EYS: variants seen among roughly 807,000 people sequenced by gnomAD.
EYS encodes EGF-like photoreceptor maintenance factor.
A neutral mutation model predicts 282.1 loss-of-function variants in EYS; 250 were observed. That is an observed-to-expected ratio of 0.89 (90% CI 0.80 to 0.98). EYS has a LOEUF of 0.98. Ranked by LOEUF, EYS falls within the 50% of genes least tolerant of loss-of-function variation. The probability of loss-of-function intolerance (pLI) is 0.00; values close to 1 mark genes in which losing one functional copy is unlikely to be tolerated. For missense variants in EYS, 4,016 were observed against 3,709.0 expected, an observed-to-expected ratio of 1.08 and a Z score of -2.15; for synonymous variants, 1,355 against 1,282.9, an observed-to-expected ratio of 1.06 and a Z score of -1.20.
chr6:64,043,324 G>C (rs138998239), intron 33 of EYS, among the ~76,000 whole-genome samples: 150 of 152,224 alleles, frequency 9.9e-4, no homozygotes, highest in African/African-American at 3.5e-3. Context: ...TCCATATATA[G>C]GTAAGCATCA....
chr6:65,173,560 T>C (rs375623429), intron 12 of EYS, among the ~76,000 whole-genome samples: 1 of 151,216 alleles, frequency 6.6e-6, no homozygotes, highest in African/African-American at 2.4e-5. Flanking sequence ...TTTTAAGGAA[T>C]CATAAAGAGA....
At chr6:64,227,162 T>A (rs1482536172) in intron 31 of EYS, among the ~76,000 whole-genome samples, 1 of 152,078 alleles carries the variant, frequency 6.6e-6, no homozygotes, top group Non-Finnish European at 1.5e-5. Flanking sequence ...GCTTTTTATA[T>A]TTTAGTTTAA....
At chr6:65,166,084 AAAG>A (rs1444204432) in intron 12 of EYS, among the ~76,000 whole-genome samples, 21 of 151,224 alleles carry the variant, frequency 1.4e-4, no homozygotes, top group African/African-American at 4.6e-4. Context: ...GAAAAAAGTT[AAAG>A]AAGATCTAAA....
At chr6:64,954,837 T>C (rs1769636823) in intron 14 of EYS, among the ~76,000 whole-genome samples, 1 of 152,080 alleles carries the variant, frequency 6.6e-6, no homozygotes, top group Admixed American at 6.6e-5. Flanking sequence ...AAATCAGTAG[T>C]ATTTCTATAT....
intron 35 of EYS, among the ~76,000 whole-genome samples, chr6:63,880,978 A>G (rs759412536): frequency 6.6e-6 from 1 of 152,014 alleles, no homozygotes; most frequent in Non-Finnish European, 1.5e-5. Context: ...GGTAAAGGAC[A>G]GTTTCAAAAG....
Position 65,312,748 on chromosome 6 carries a change from T to C in EYS, c.1767-16629A>G, listed in dbSNP as rs376447697. 1.4e-4 allele frequency among the ~76,000 whole-genome samples: 22 copies of C among 152,336 alleles called. No individual in the cohort carries two copies. In the South Asian group the frequency reaches 1.5e-3, roughly 10 times the overall value. On this transcript the variant is annotated intron_variant, in intron 11 of 42. Transcript: ENST00000503581. ...TTCTCTATGGTCACAGTTATCACAGTATGCTCTCAGGAACATGGGGGCAGA... is the reference window on the plus strand; with the variant it reads ...TTCTCTATGGTCACAGTTATCACAGCATGCTCTCAGGAACATGGGGGCAGA...
intron 33 of EYS, among the ~76,000 whole-genome samples, chr6:64,002,513 A>C (rs1349030349): frequency 1.3e-5 from 2 of 151,610 alleles, no homozygotes; most frequent in East Asian, 1.9e-4. Flanking sequence ...GGAGTCACAG[A>C]CTCCCACCCC....
intron 2 of EYS, among the ~76,000 whole-genome samples, chr6:65,590,605 C>G (rs1765196117): frequency 6.6e-6 from 1 of 151,812 alleles, no homozygotes; most frequent in Admixed American, 6.6e-5. Context: ...AACTTTGTAC[C>G]CACTGGACAA....
In EYS at chr6:64,248,315, A is replaced by T. The variant is rs116810632; in HGVS notation, c.6192-17491T>A. ...AGTCATCAATGTCTCTTAAGCAGGA[A>T]ATTAGTAATTCATGTTTATTTTCGA... On this transcript the variant is annotated intron_variant, in intron 30 of 42. Coordinates refer to ENST00000503581, the MANE Select transcript of EYS (RefSeq NM_001142800.2). Among the ~76,000 whole-genome samples, 400 of 152,194 alleles carry T rather than the reference A, an allele frequency of 2.6e-3. 1 individual carries two copies. Among genetic ancestry groups the T allele is most frequent in the African/African-American group, 9.2e-3 (381 of 41,532 alleles).
intron 26 of EYS, among the ~76,000 whole-genome samples, chr6:64,458,592 G>A (rs1248094470): frequency 6.7e-6 from 1 of 148,484 alleles, no homozygotes; most frequent in Non-Finnish European, 1.5e-5. Flanking sequence ...TCTTTTCTTT[G>A]ATGGTCTTAG....
At chr6:64,605,019 C>G (rs1487748479) in intron 24 of EYS, among the ~76,000 whole-genome samples, 2 of 151,964 alleles carry the variant, frequency 1.3e-5, no homozygotes, top group East Asian at 1.9e-4. Context: ...TTCCTCAGTT[C>G]AAAAAGTCAT....
chr6:65,559,585 A>G (rs1046809382), intron 2 of EYS, among the ~76,000 whole-genome samples: 3 of 152,166 alleles, frequency 2.0e-5, no homozygotes, highest in Non-Finnish European at 2.9e-5. Context: ...CCAAACAGGA[A>G]TAACTCAATC....
At chr6:65,067,185 T>C (rs927023452) in intron 12 of EYS, among the ~76,000 whole-genome samples, 5 of 152,140 alleles carry the variant, frequency 3.3e-5, no homozygotes, top group African/African-American at 4.8e-5. Flanking sequence ...GAGAATTCAA[T>C]TGGAAATTTC....
chr6:63,733,542 T>A (rs1768833037), intron 41 of EYS, among the ~76,000 whole-genome samples: 1 of 152,190 alleles, frequency 6.6e-6, no homozygotes, highest in African/African-American at 2.4e-5. Flanking sequence ...AGGTGGTATT[T>A]GGTTTTCTGC....
intron 26 of EYS, among the ~76,000 whole-genome samples, chr6:64,584,404 T>G (rs34669159): frequency 0.11 from 16,594 of 151,440 alleles, 1,170 homozygotes; most frequent in South Asian, 0.2. Flanking sequence ...TTTTAAAATT[T>G]TAATATAATA....
rs187919706 is a variant in EYS, at chr6:64,740,656, C to A, written c.3443+72722G>T. ...ACATTATCATACATGCCTGTCATTG[C>A]ACAGTAACTTTGAACATCCAGCTAA... On this transcript the variant is annotated intron_variant, in intron 22 of 42. Transcript: ENST00000503581. Among the ~76,000 whole-genome samples the A allele has an allele frequency of 1.4e-3, 206 of 151,892 alleles. 1 individual carries two copies. Among genetic ancestry groups the A allele is most frequent in the Non-Finnish European group, 6.2e-4 (42 of 67,976 alleles).
chr6:65,332,745 G>A (rs888927355), intron 11 of EYS, among the ~76,000 whole-genome samples: 1 of 151,298 alleles, frequency 6.6e-6, no homozygotes, highest in Non-Finnish European at 1.5e-5. Flanking sequence ...CAATGTCTCA[G>A]TGAAGTCATC....
chr6:64,822,404 T>G (rs959278582), intron 20 of EYS, among the ~76,000 whole-genome samples: 1 of 148,608 alleles, frequency 6.7e-6, no homozygotes, highest in African/African-American at 2.6e-5. Flanking sequence ...TATTAAAGTC[T>G]AATTAATCCA....
intron 22 of EYS, among the ~76,000 whole-genome samples, chr6:64,757,788 T>TG (rs1562174675): frequency 1.7e-5 from 2 of 118,988 alleles, no homozygotes; most frequent in African/African-American, 6.0e-5. Context: ...GTGTGTGTGT[T>TG]TTGTTTGTTT....
Sources: gnomAD v4.1 joint callset for allele counts (sites outside exome capture counted in the v4.1 genomes callset) on GRCh38, gnomAD v4.1.1 for gene constraint, MANE v1.5 for transcripts, NCBI Gene and HGNC (gene_info 2026-07-23, HGNC 2026-07-21) for gene names.